Variants in RTN1 observed in about 807,000 individuals in gnomAD.
RTN1 encodes reticulon 1.
RTN1 carries 25 observed loss-of-function variants against 65.5 expected under a neutral mutation model. That is an observed-to-expected ratio of 0.38 (90% CI 0.28 to 0.53). The LOEUF is 0.53. RTN1 is among the 20% of genes least tolerant of loss of function. The probability of loss-of-function intolerance (pLI) is 0.79; values close to 1 mark genes in which losing one functional copy is unlikely to be tolerated. For synonymous variants in RTN1, 471 were observed against 447.6 expected (o/e 1.05, Z -0.66); for missense variants, 983 against 1,025.4 (o/e 0.96, Z 0.57).
At chr14:59,718,418 A>C (rs1884582186) in intron 3 of RTN1, among the ~76,000 whole-genome samples, 1 of 152,164 alleles carries the variant, frequency 6.6e-6, no homozygotes, top group Non-Finnish European at 1.5e-5. Flanking sequence ...TTTGATTCAC[A>C]TTTGGGATGT....
chr14:59,847,731 T>C (rs1887434881), intron 1 of RTN1, among the ~76,000 whole-genome samples: 1 of 152,210 alleles, frequency 6.6e-6, no homozygotes, highest in African/African-American at 2.4e-5. Flanking sequence ...TAAACCTCCC[T>C]GGTAAGTGAT....
chr14:59,747,720 G>A lies in RTN1; in HGVS notation c.242-1239C>T, dbSNP rs555156909. ...ACCATACCAGAGCATACATTGAGGC[G>A]TCACTATATGCTAAGCAGTGGGATT... On this transcript the variant is annotated intron_variant, in intron 1 of 8. Transcript: ENST00000267484. Among the ~76,000 whole-genome samples, 5 of 152,254 alleles carry A rather than the reference G, an allele frequency of 3.3e-5. No individual in the cohort carries two copies. In the South Asian group the frequency reaches 8.3e-4, roughly 25 times the overall value.
At chr14:59,666,962 CAAAAAAAAAA>C (rs146213616) in intron 3 of RTN1, among the ~76,000 whole-genome samples, 4 of 60,106 alleles carry the variant, frequency 6.7e-5, no homozygotes, top group Non-Finnish European at 1.2e-4. Flanking sequence ...GCCGACCAAC[CAAAAAAAAAA>C]AAAAAAAAAA....
chr14:59,813,014 C>A (rs1326127546), intron 1 of RTN1, among the ~76,000 whole-genome samples: 1 of 152,010 alleles, frequency 6.6e-6, no homozygotes, highest in African/African-American at 2.4e-5. Flanking sequence ...CTGACTTCTC[C>A]TAGAATAAAA....
intron 3 of RTN1, among the ~76,000 whole-genome samples, chr14:59,655,878 A>G (rs557264274): frequency 6.6e-6 from 1 of 152,334 alleles, no homozygotes; most frequent in South Asian, 2.1e-4. Context: ...TAAAACTAGA[A>G]AATTCTTCAA....
rs887203812 is a variant in RTN1 at position 59,609,082 on chromosome 14, C to T, written c.1766-1590G>A. 2.0e-5 allele frequency among the ~76,000 whole-genome samples: 3 copies of T among 151,728 alleles called. 1 individual carries two copies. The highest frequency in any genetic ancestry group is 4.2e-4 in the South Asian group (2 of 4,794). On this transcript the variant is annotated intron_variant, in intron 3 of 8. Transcript: ENST00000267484. ...GGTGGATCATCTGAGGTCAGGAGTT[C>T]GAGACCAGCCCAGCCAACATGGTGA...
At chr14:59,620,927 G>C (rs919629619) in intron 3 of RTN1, among the ~76,000 whole-genome samples, 7 of 152,200 alleles carry the variant, frequency 4.6e-5, no homozygotes, top group African/African-American at 1.7e-4. Context: ...CTAGATGGCT[G>C]GTGACTGATA....
chr14:59,866,227 C>T (rs1479293476), intron 1 of RTN1, among the ~76,000 whole-genome samples: 1 of 152,152 alleles, frequency 6.6e-6, no homozygotes, highest in African/African-American at 2.4e-5. Flanking sequence ...GATCCTTACA[C>T]AAAGGAGGCA....
rs542125800 is a variant in RTN1 at position 59,705,869 on chromosome 14, G to C, written c.1765+21050C>G. ...AAAATATGGCCGTTTGGCATGCTGA[G>C]TGCTTTGAACAAAGGAGGCTGAAAG... On this transcript the variant is annotated intron_variant, in intron 3 of 8. Transcript: ENST00000267484. 4.6e-5 allele frequency among the ~76,000 whole-genome samples: 7 copies of C among 152,292 alleles called. No individual in the cohort carries two copies. In the East Asian group the frequency reaches 1.4e-3, roughly 29 times the overall value.
intron 4 of RTN1, 103 bp downstream of exon 4, chr14:59,607,181 TG>T (rs1881784801): frequency 1.1e-6 from 1 of 949,606 alleles, no homozygotes; most frequent in African/African-American, 1.6e-5. Flanking sequence ...AGAGGTCTGT[TG>T]GGTCTCAGAG....
chr14:59,657,595 G>C (rs1475807115), intron 3 of RTN1, among the ~76,000 whole-genome samples: 1 of 152,184 alleles, frequency 6.6e-6, no homozygotes, highest in Non-Finnish European at 1.5e-5. Context: ...CATGGAGAGA[G>C]AGCAGAATCA....
At chr14:59,643,758 A>G (rs1882831733) in intron 3 of RTN1, among the ~76,000 whole-genome samples, 1 of 152,222 alleles carries the variant, frequency 6.6e-6, no homozygotes, top group Non-Finnish European at 1.5e-5. Context: ...AAAACAAACA[A>G]AAAATCAAAA....
At chr14:59,708,108 G>A (rs1214713971) in intron 3 of RTN1, among the ~76,000 whole-genome samples, 4 of 152,136 alleles carry the variant, frequency 2.6e-5, no homozygotes, top group African/African-American at 7.2e-5. Flanking sequence ...TAAATCATTC[G>A]TTAAAAACAA....
chr14:59,717,047 T>G (rs190737319), intron 3 of RTN1, among the ~76,000 whole-genome samples: 1 of 150,194 alleles, frequency 6.7e-6, no homozygotes, highest in East Asian at 2.0e-4. Flanking sequence ...TGGATGGCAA[T>G]AGACATTAAC....
At chr14:59,640,682 T>C (rs367801000) in intron 3 of RTN1, among the ~76,000 whole-genome samples, 409 of 152,296 alleles carry the variant, frequency 2.7e-3, no homozygotes, top group Non-Finnish European at 4.5e-3. Flanking sequence ...CATCTTATGT[T>C]TTTTAACAAA....
intron 8 of RTN1, among the ~76,000 whole-genome samples, chr14:59,600,243 G>T (rs1219927030): frequency 6.6e-6 from 1 of 152,034 alleles, no homozygotes; most frequent in Admixed American, 6.6e-5. Flanking sequence ...CCCATGAACC[G>T]ATCTCTAAGC....
intron 1 of RTN1, among the ~76,000 whole-genome samples, chr14:59,809,983 C>A (rs1413037370): frequency 1.3e-5 from 2 of 152,176 alleles, no homozygotes; most frequent in African/African-American, 4.8e-5. Flanking sequence ...CATCTTTCAA[C>A]AAATATTTAG....
At chr14:59,808,672 G>T (rs776925197) in intron 1 of RTN1, among the ~76,000 whole-genome samples, 3 of 152,110 alleles carry the variant, frequency 2.0e-5, no homozygotes, top group Non-Finnish European at 4.4e-5. Context: ...CTTAATGTTG[G>T]CAGTGGGGCT....
At chr14:59,652,171 C>CA (rs1169105912) in intron 3 of RTN1, among the ~76,000 whole-genome samples, 1 of 151,932 alleles carries the variant, frequency 6.6e-6, no homozygotes, top group Non-Finnish European at 1.5e-5. Flanking sequence ...TTAAAAAGTT[C>CA]AAAAAAATAG....
Sources: allele counts gnomAD v4.1 joint callset (sites outside exome capture counted in the v4.1 genomes callset), GRCh38; gene constraint gnomAD v4.1.1; transcripts MANE v1.5; gene names NCBI Gene and HGNC (gene_info 2026-07-23, HGNC 2026-07-21).